Variants in SPATC1 observed in about 807,000 individuals in gnomAD.
SPATC1 encodes the protein spermatogenesis and centriole associated 1, also known as speriolin.
SPATC1 carries 35 observed loss-of-function variants against 36.5 expected under a neutral mutation model. The observed-to-expected ratio is 0.96, with a 90% CI of 0.73 to 1.27. The LOEUF (loss-of-function observed/expected upper bound fraction) is 1.27, where lower values mean the gene tolerates loss of function less well. SPATC1 is among the 50% of genes most tolerant of loss of function. SPATC1 has a pLI of 0.00. For missense variants in SPATC1, 779 were observed against 796.0 expected, an observed-to-expected ratio of 0.98 and a Z score of 0.26; for synonymous variants, 361 against 353.6, an observed-to-expected ratio of 1.02 and a Z score of -0.24.
At chr8:144,038,075 C>T (rs1287403916) in intron 1 of SPATC1, among the ~76,000 whole-genome samples, 1 of 151,460 alleles carries the variant, frequency 6.6e-6, no homozygotes, top group Non-Finnish European at 1.5e-5. Flanking sequence ...CTTCAGTGAG[C>T]CGAGATCGCA....
intron 1 of SPATC1, among the ~76,000 whole-genome samples, chr8:144,033,522 A>G (rs1409730604): frequency 1.2e-4 from 18 of 152,318 alleles, no homozygotes; most frequent in African/African-American, 4.1e-4. Flanking sequence ...TGGAGACCCA[A>G]AAAAAGTTTA....
rs782640101 is a variant in SPATC1, at chr8:144,040,137, G to T, written c.440G>T (p.Gly147Val). The T allele has an allele frequency of 6.2e-7, 1 of 1,609,280 alleles. No homozygotes were observed. The highest frequency in any genetic ancestry group is 8.5e-7 in the Non-Finnish European group (1 of 1,178,998). The change falls in exon 2 of 5, where the codon GGA (glycine) becomes GTA (valine). Residue 147 changes from glycine to valine, a missense_variant. Transcript: ENST00000377470. ...AGCTTCCTGACCAGTCCCATTGCGG[G>T]ACCCCTAACAGGCACACTGGCCAGT... Reference protein sequence around the residue: ...LTSFLTSPIAGPLTGTLASSL... With the variant: ...LTSFLTSPIAVPLTGTLASSL...
At chr8:144,034,606 A>G (rs1403895911) in intron 1 of SPATC1, among the ~76,000 whole-genome samples, 1 of 151,980 alleles carries the variant, frequency 6.6e-6, no homozygotes, top group Admixed American at 6.6e-5. Flanking sequence ...TGGAGAATGC[A>G]ACTCTCAGCT....
chr8:144,013,000 C>T (rs1250604979), intron 1 of SPATC1, among the ~76,000 whole-genome samples: 2 of 152,132 alleles, frequency 1.3e-5, no homozygotes, highest in African/African-American at 2.4e-5. Context: ...CCTTGCCCTC[C>T]TTACCTGGCC....
intron 1 of SPATC1, among the ~76,000 whole-genome samples, chr8:144,033,882 C>A (rs943020487): frequency 3.3e-5 from 5 of 152,200 alleles, no homozygotes; most frequent in African/African-American, 4.8e-5. Flanking sequence ...CACTATTCAG[C>A]ACTGGCAGGC....
intron 1 of SPATC1, among the ~76,000 whole-genome samples, chr8:144,024,209 GA>G (rs1834623902): frequency 6.8e-6 from 1 of 146,808 alleles, no homozygotes; most frequent in African/African-American, 2.5e-5. Context: ...CTTCCCTCAG[GA>G]CCCTCTACCC....
At chr8:144,033,936 G>C (rs1834848234) in intron 1 of SPATC1, among the ~76,000 whole-genome samples, 1 of 152,224 alleles carries the variant, frequency 6.6e-6, no homozygotes, top group Non-Finnish European at 1.5e-5. Flanking sequence ...AATCCTGATG[G>C]GGAGATAGTC....
rs564558019 is a variant in SPATC1, at chr8:144,045,965, G to A, written c.1447-662G>A. 3.3e-4 allele frequency among the ~76,000 whole-genome samples: 50 copies of A among 152,310 alleles called. No individual in the cohort carries two copies. Among genetic ancestry groups the A allele is most frequent in the African/African-American group, 9.1e-4 (38 of 41,574 alleles). ...GTGGGAGGACACAGGGCATGAGGAAGTGAGTGGAAACTGACCCAGATGTGC... is the reference window on the plus strand; with the variant it reads ...GTGGGAGGACACAGGGCATGAGGAAATGAGTGGAAACTGACCCAGATGTGC... On this transcript the variant is annotated intron_variant, in intron 4 of 4. Transcript: ENST00000377470. The surrounding 1 kb of genome is among the most constrained non-coding windows in gnomAD (Gnocchi z 5.2).
intron 1 of SPATC1, among the ~76,000 whole-genome samples, chr8:144,030,142 A>T (rs1423949073): frequency 6.6e-6 from 1 of 152,180 alleles, no homozygotes; most frequent in Non-Finnish European, 1.5e-5. Context: ...TTTGCATGGA[A>T]TATCTTTTTT....
chr8:144,032,340 C>T (rs1336322301), intron 1 of SPATC1, among the ~76,000 whole-genome samples: 2 of 151,930 alleles, frequency 1.3e-5, no homozygotes, highest in Admixed American at 6.6e-5. Flanking sequence ...TGCAGTGGCA[C>T]GATCTTGGCT....
chr8:144,041,514 C>A, intron 4 of SPATC1, 143 bp downstream of exon 4: 1 of 1,105,296 alleles, frequency 9.0e-7, no homozygotes, highest in Non-Finnish European at 1.3e-6. Context: ...GTGCCAACGG[C>A]CTGCAGGTGT....
intron 1 of SPATC1, among the ~76,000 whole-genome samples, chr8:144,029,521 C>T (rs1291415166): frequency 2.0e-5 from 3 of 152,098 alleles, no homozygotes; most frequent in Admixed American, 6.6e-5. Context: ...GAGGCGAGAG[C>T]GCACCACTGC....
chr8:144,016,171 G>A lies in SPATC1; in HGVS notation c.211+3445G>A, dbSNP rs1020472471. Among the ~76,000 whole-genome samples the A allele has an allele frequency of 6.6e-6, 1 of 152,114 alleles. No homozygotes were observed. The highest frequency in any genetic ancestry group is 1.5e-5 in the Non-Finnish European group (1 of 68,006). On this transcript the variant is annotated intron_variant, in intron 1 of 4. Coordinates refer to ENST00000377470, the MANE Select transcript of SPATC1 (RefSeq NM_198572.3). The surrounding 1 kb of genome is among the most constrained non-coding windows in gnomAD (Gnocchi z 4.5). ...CTTGGGAGGCTGAGGCAGGAGAATC[G>A]CTTGAACTTGGGAGGCAGAGGTTGC... is the stretch of plus-strand genomic sequence containing the variant.
At chr8:144,026,168 T>C (rs931718144) in intron 1 of SPATC1, among the ~76,000 whole-genome samples, 3 of 151,800 alleles carry the variant, frequency 2.0e-5, no homozygotes, top group East Asian at 1.9e-4. Flanking sequence ...ATTCTCAACA[T>C]TCCATAAGCA....
Position 144,046,603 on chromosome 8 carries a change from C to A in SPATC1, c.1447-24C>A. ...GTGTGGAGGTGTGGCAAGGGAGGGT[C>A]CCTGATGGCCGCTGTCCCCACAGGC... is the stretch of plus-strand genomic sequence containing the variant. On this transcript the variant is annotated intron_variant, in intron 4 of 4. Transcript: ENST00000377470. This position sits in a 1 kb window ranked among gnomAD's most constrained non-coding sequence, Gnocchi z 6.6. 1 of 1,590,472 alleles carries A rather than the reference C, an allele frequency of 6.3e-7. No individual in the cohort carries two copies. The highest frequency in any genetic ancestry group is 1.1e-5 in the South Asian group (1 of 89,222).
Position 144,045,493 on chromosome 8 carries a change from G to A in SPATC1, c.1447-1134G>A, listed in dbSNP as rs1206739244. 6.6e-6 allele frequency among the ~76,000 whole-genome samples: 1 copy of A among 152,226 alleles called. No individual in the cohort carries two copies. The highest frequency in any genetic ancestry group is 1.5e-5 in the Non-Finnish European group (1 of 68,036). On this transcript the variant is annotated intron_variant, in intron 4 of 4. Transcript: ENST00000377470. This position sits in a 1 kb window ranked among gnomAD's most constrained non-coding sequence, Gnocchi z 5.2. ...GAGTAGGGAAGAGTATTCCCTGCAGGTTGGGGACCACCACGTCAGCCATCT... is the reference window on the plus strand; with the variant it reads ...GAGTAGGGAAGAGTATTCCCTGCAGATTGGGGACCACCACGTCAGCCATCT...
intron 1 of SPATC1, 143 bp downstream of exon 1, chr8:144,012,869 C>T (rs539234438): frequency 4.7e-6 from 4 of 846,204 alleles, no homozygotes; most frequent in African/African-American, 3.4e-5. Context: ...CTCAGCTCAC[C>T]AGACAATGTG....
intron 4 of SPATC1, among the ~76,000 whole-genome samples, chr8:144,044,302 G>A (rs571592994): frequency 6.5e-4 from 70 of 107,366 alleles, no homozygotes; most frequent in African/African-American, 4.4e-3. Flanking sequence ...TTCCTTGAAG[G>A]AATTTTTTTT....
In SPATC1 at chr8:144,046,412, C is replaced by A. The variant is rs187447488; in HGVS notation, c.1447-215C>A. Among the ~76,000 whole-genome samples, 3 of 152,304 alleles carry A rather than the reference C, an allele frequency of 2.0e-5. No individual in the cohort carries two copies. The highest frequency in any genetic ancestry group is 7.2e-5 in the African/African-American group (3 of 41,562). ...CCCTACTGGGGAGCTTTGAGAGCCA[C>A]CTGCCCTGCCCGGATCAGGCCTTGG... is the stretch of plus-strand genomic sequence containing the variant. On this transcript the variant is annotated intron_variant, in intron 4 of 4. Transcript: ENST00000377470. This position sits in a 1 kb window ranked among gnomAD's most constrained non-coding sequence, Gnocchi z 6.6.
Sources: allele counts gnomAD v4.1 joint callset (sites outside exome capture counted in the v4.1 genomes callset), GRCh38; gene constraint gnomAD v4.1.1; non-coding constraint Gnocchi (gnomAD v3.1); transcripts MANE v1.5; gene names NCBI Gene and HGNC (gene_info 2026-07-23, HGNC 2026-07-21).